PCBP3: variants seen among roughly 807,000 people sequenced by gnomAD.
PCBP3 encodes the protein poly(rC) binding protein 3.
PCBP3 carries 25 observed loss-of-function variants against 52.7 expected under a neutral mutation model. The ratio of observed to expected loss-of-function variants is 0.47; its 90% CI spans 0.35 to 0.66. The LOEUF is 0.66. Ranked by LOEUF, PCBP3 falls within the 30% of genes least tolerant of loss-of-function variation. The pLI is 0.01. For missense variants in PCBP3, 391 were observed against 490.3 expected (o/e 0.80, Z 1.91); for synonymous variants, 162 against 183.0 (o/e 0.89, Z 0.93).
intron 5 of PCBP3, among the ~76,000 whole-genome samples, chr21:45,877,807 A>AT (rs776325411): frequency 6.6e-6 from 1 of 151,378 alleles, no homozygotes; most frequent in Non-Finnish European, 1.5e-5. Context: ...AAAAAAAAAA[A>AT]TTAAATGAGG....
intron 4 of PCBP3, among the ~76,000 whole-genome samples, chr21:45,798,830 G>T (rs28684590): frequency 7.5e-6 from 1 of 134,124 alleles, no homozygotes; most frequent in Non-Finnish European, 1.6e-5. Context: ...ACATGGATCC[G>T]TAGAGAGAGT....
At chr21:45,678,080 G>A (rs1482968891) in intron 2 of PCBP3, among the ~76,000 whole-genome samples, 3 of 152,098 alleles carry the variant, frequency 2.0e-5, no homozygotes, top group East Asian at 1.9e-4. Context: ...GGTGGCTCAC[G>A]CCTGTAATCC....
rs1314720516 is a variant in PCBP3, at chr21:45,800,562, C to G, written c.-126+45110C>G. ...CTCTAACCCACCCAACACCACCAGC[C>G]TTGCTGGTGCCTCCTGCCCTGCCCT... On this transcript the variant is annotated intron_variant, in intron 4 of 17. Transcript: ENST00000681687. The surrounding 1 kb of genome is among the most constrained non-coding windows in gnomAD (Gnocchi z 5.3). Among the ~76,000 whole-genome samples the G allele has an allele frequency of 6.6e-6, 1 of 152,180 alleles. No homozygotes were observed. The highest frequency in any genetic ancestry group is 1.5e-5 in the Non-Finnish European group (1 of 68,018).
rs1402831152 is a variant in PCBP3 at position 45,942,327 on chromosome 21, A to G, written c.*621A>G. 1 of 152,262 alleles carries G rather than the reference A, an allele frequency of 6.6e-6. No individual in the cohort carries two copies. The highest frequency in any genetic ancestry group is 2.4e-5 in the African/African-American group (1 of 41,436). The allele number at this position is 152,262 out of a possible 1,614,324, so 9.4% of individuals were successfully genotyped here. A position where few individuals can be genotyped will look rare whatever the true frequency, so the allele number is the denominator to read the frequency against. On this transcript the variant is annotated 3_prime_UTR_variant, in exon 18 of 18. Transcript: ENST00000681687. Reference sequence around the variant, plus strand: ...CCTGCTGGGGGCCCTGCCTTCACAGAGATGCCGCGTGCTGGGAAGGCTCTT... The same window carrying G: ...CCTGCTGGGGGCCCTGCCTTCACAGGGATGCCGCGTGCTGGGAAGGCTCTT...
At position 45,930,829 on chromosome 21, in the gene PCBP3, G is replaced by T; in HGVS notation, c.840G>T (p.Leu280=). 1 of 1,605,220 alleles carries T rather than the reference G, an allele frequency of 6.2e-7. No homozygotes were observed. The highest frequency in any genetic ancestry group is 1.1e-5 in the South Asian group (1 of 90,960). ...PLHSSEEAQN[L]MGQSSGLDAS... The stretch of plus-strand genomic sequence containing the variant: ...ACTCCTCCGAAGAAGCTCAAAATCT[G>T]ATGGGCCAGTCATCAGGTAACACAA... Residue 280 remains leucine, a synonymous_variant, in exon 15 of 18, where the codon CTG becomes CTT. Coordinates refer to ENST00000681687, the MANE Select transcript of PCBP3 (RefSeq NM_001384156.1).
intron 1 of PCBP3, among the ~76,000 whole-genome samples, chr21:45,648,631 A>G (rs549557770): frequency 2.6e-5 from 4 of 152,256 alleles, no homozygotes; most frequent in African/African-American, 7.2e-5. Context: ...TACTTTCCAG[A>G]GGTTTGTTTC....
intron 9 of PCBP3, among the ~76,000 whole-genome samples, chr21:45,905,823 G>A (rs1285246319): frequency 6.6e-6 from 1 of 152,146 alleles, no homozygotes. Flanking sequence ...ACAATCACAC[G>A]GAGGGTCAGG....
chr21:45,698,673 G>A (rs1357989650), intron 2 of PCBP3, among the ~76,000 whole-genome samples: 4 of 152,226 alleles, frequency 2.6e-5, no homozygotes, highest in African/African-American at 9.6e-5. Flanking sequence ...TGCACTGCTG[G>A]CAAACATGCT....
At position 45,928,088 on chromosome 21, in the gene PCBP3, C is replaced by T. The variant is rs752108224; in HGVS notation, c.718-1829C>T. Among the ~76,000 whole-genome samples, 1 of 152,242 alleles carries T rather than the reference C, an allele frequency of 6.6e-6. No homozygotes were observed. Among genetic ancestry groups the T allele is most frequent in the Non-Finnish European group, 1.5e-5 (1 of 68,038 alleles). On this transcript the variant is annotated intron_variant, in intron 13 of 17. Coordinates refer to ENST00000681687, the MANE Select transcript of PCBP3 (RefSeq NM_001384156.1). The surrounding 1 kb of genome is among the most constrained non-coding windows in gnomAD (Gnocchi z 4.1). Reference sequence around the variant, plus strand: ...ACTTGCGGTCTTTCCTGACGTGCCCCGTCCAGGTGGGGCGCCTTCACTAGG... The same window carrying T: ...ACTTGCGGTCTTTCCTGACGTGCCCTGTCCAGGTGGGGCGCCTTCACTAGG...
intron 2 of PCBP3, among the ~76,000 whole-genome samples, chr21:45,716,180 A>G (rs776519283): frequency 2.0e-5 from 3 of 152,084 alleles, no homozygotes; most frequent in Non-Finnish European, 4.4e-5. Flanking sequence ...ATTCTTTAGC[A>G]TGTGGATATT....
intron 5 of PCBP3, among the ~76,000 whole-genome samples, chr21:45,882,484 T>A (rs1476428369): frequency 6.6e-6 from 1 of 152,226 alleles, no homozygotes; most frequent in East Asian, 1.9e-4. Context: ...CTAGGTTGTC[T>A]CTTCACTCTG....
chr21:45,772,911 A>G (rs2145847424), intron 4 of PCBP3, among the ~76,000 whole-genome samples: 1 of 151,862 alleles, frequency 6.6e-6, no homozygotes, highest in South Asian at 2.1e-4. Flanking sequence ...TCCTTTGTTC[A>G]CTTTTTAGTG....
intron 2 of PCBP3, among the ~76,000 whole-genome samples, chr21:45,671,254 T>C (rs1455306611): frequency 6.6e-6 from 1 of 152,202 alleles, no homozygotes; most frequent in African/African-American, 2.4e-5. Flanking sequence ...TTCACGACTG[T>C]CATGCACTCA....
At chr21:45,658,853 G>GT (rs2080193808) in intron 1 of PCBP3, among the ~76,000 whole-genome samples, 1 of 151,558 alleles carries the variant, frequency 6.6e-6, no homozygotes, top group Non-Finnish European at 1.5e-5. Context: ...CTTGTTTTAG[G>GT]TTTTTTTCAG....
At chr21:45,782,721 A>G (rs1356561694) in intron 4 of PCBP3, among the ~76,000 whole-genome samples, 4 of 152,238 alleles carry the variant, frequency 2.6e-5, no homozygotes, top group African/African-American at 7.2e-5. Flanking sequence ...AAAGCAAGCA[A>G]ACAAGCAAGC....
At chr21:45,766,308 A>C (rs1220074503) in intron 4 of PCBP3, among the ~76,000 whole-genome samples, 2 of 152,126 alleles carry the variant, frequency 1.3e-5, no homozygotes, top group Non-Finnish European at 2.9e-5. Flanking sequence ...TGAAGCCCAA[A>C]CCCCTAGTAT....
intron 11 of PCBP3, among the ~76,000 whole-genome samples, chr21:45,912,970 G>A (rs899391718): frequency 5.3e-5 from 8 of 152,196 alleles, no homozygotes; most frequent in African/African-American, 1.9e-4. Context: ...CTGAGTGCTG[G>A]GCTGGCCCTG....
Position 45,815,574 on chromosome 21 carries a change from G to A in PCBP3, c.-125-34387G>A, listed in dbSNP as rs1197379022. ...ATGAGTGGTGAGTGGTGAGTGAGTG[G>A]TGAGTGGTGAGTGAGTGGTGAGTGA... On this transcript the variant is annotated intron_variant, in intron 4 of 17. Coordinates refer to ENST00000681687, the MANE Select transcript of PCBP3 (RefSeq NM_001384156.1). Among the ~76,000 whole-genome samples, 13 of 97,692 alleles carry A rather than the reference G, an allele frequency of 1.3e-4. No homozygotes were observed. The South Asian group carries it at 1.5e-3, about 11-fold the overall frequency. The allele number at this position is 97,692 out of a possible 152,430, so 64.1% of individuals were successfully genotyped here.
intron 4 of PCBP3, among the ~76,000 whole-genome samples, chr21:45,816,519 C>T (rs1432790287): frequency 1.9e-5 from 2 of 106,278 alleles, no homozygotes; most frequent in South Asian, 4.8e-4. Flanking sequence ...CCCCTCCCCT[C>T]CCCTCCCCTC....
Sources: gnomAD v4.1 joint callset for allele counts (sites outside exome capture counted in the v4.1 genomes callset) on GRCh38, gnomAD v4.1.1 for gene constraint, Gnocchi (gnomAD v3.1) non-coding constraint, MANE v1.5 for transcripts, NCBI Gene and HGNC (gene_info 2026-07-23, HGNC 2026-07-21) for gene names.